Variants in MLF1 observed in about 807,000 individuals in gnomAD.
MLF1 encodes myelodysplasia-myeloid leukemia factor 1.
In MLF1, 37 loss-of-function variants were observed where a neutral mutation model predicts 38.3. That is an observed-to-expected ratio of 0.96 (90% confidence interval 0.74 to 1.27). The LOEUF is 1.27. Among genes scored for constraint, MLF1 ranks in the 50% most tolerant of loss-of-function variants. The probability of loss-of-function intolerance (pLI) is 0.00; values close to 1 mark genes in which losing one functional copy is unlikely to be tolerated. For synonymous variants in MLF1, 95 were observed against 106.5 expected (o/e 0.89, Z 0.66); for missense variants, 331 against 349.2 (o/e 0.95, Z 0.42).
At chr3:158,587,349 A>G (rs1194242923) in intron 1 of MLF1, among the ~76,000 whole-genome samples, 3 of 152,190 alleles carry the variant, frequency 2.0e-5, no homozygotes, top group African/African-American at 7.2e-5. Flanking sequence ...TTGCCCATGT[A>G]CTTGGGGTAC....
intron 1 of MLF1, among the ~76,000 whole-genome samples, chr3:158,572,470 G>A (rs1714639382): frequency 7.2e-6 from 1 of 139,498 alleles, no homozygotes; most frequent in South Asian, 2.4e-4. Context: ...GAGGTGGATG[G>A]AGGAGGATTT....
chr3:158,585,690 G>A (rs1717145021), intron 1 of MLF1, among the ~76,000 whole-genome samples: 1 of 152,070 alleles, frequency 6.6e-6, no homozygotes, highest in Admixed American at 6.6e-5. Context: ...TTGAGTCAAG[G>A]AATTTCTTCC....
chr3:158,605,254 G>A lies in MLF1; in HGVS notation c.*52G>A. The A allele has an allele frequency of 7.1e-7, 1 of 1,408,256 alleles. No individual in the cohort carries two copies. Among genetic ancestry groups the A allele is most frequent in the Non-Finnish European group, 9.9e-7 (1 of 1,009,896 alleles). 87.2% of individuals were successfully genotyped at this position (1,408,256 alleles called of 1,614,324 possible). ...TTTGATTGTTTTAACAGTTAGTAAT[G>A]GTGCTGGGTAATAAGCATAAGACCA... On this transcript the variant is annotated 3_prime_UTR_variant, in exon 8 of 8. Coordinates refer to ENST00000466246, the MANE Select transcript of MLF1 (RefSeq NM_001369783.1).
chr3:158,596,604 C>G (rs1718916054), intron 3 of MLF1, among the ~76,000 whole-genome samples: 1 of 152,078 alleles, frequency 6.6e-6, no homozygotes, highest in Non-Finnish European at 1.5e-5. Flanking sequence ...TTTATATATA[C>G]ATGCACATAT....
At chr3:158,571,822 A>G (rs1189110463) in intron 1 of MLF1, among the ~76,000 whole-genome samples, 1 of 14,752 alleles carries the variant, frequency 6.8e-5, no homozygotes. Flanking sequence ...AGGTGAGGGG[A>G]AGGGTTGAGG....
intron 1 of MLF1, among the ~76,000 whole-genome samples, chr3:158,587,190 T>C (rs1403477182): frequency 6.6e-6 from 1 of 152,220 alleles, no homozygotes; most frequent in African/African-American, 2.4e-5. Flanking sequence ...TTTTAATAAG[T>C]ACCTCTAGTG....
intron 3 of MLF1, among the ~76,000 whole-genome samples, chr3:158,594,332 C>CA (rs1718587938): frequency 6.6e-6 from 1 of 152,024 alleles, no homozygotes; most frequent in South Asian, 2.1e-4. Context: ...GAATACTGTT[C>CA]AACAGAGAGG....
At position 158,592,448 on chromosome 3, in the gene MLF1, C is replaced by T. The variant is rs1336794375; in HGVS notation, c.62C>T (p.Ala21Val). Residue 21 changes from alanine to valine, a missense_variant, in exon 2 of 8, where the codon GCA (alanine) becomes GTA (valine). Transcript: ENST00000466246. ...ATTTTCAACAGTGAGTCCATTCTTG[C>T]ACACCGAGAAAATATGCGACAGATG... ...DDPFFSESILAHRENMRQMIR... is the reference protein window; with the variant it reads ...DDPFFSESILVHRENMRQMIR... 6.2e-7 allele frequency: 1 copy of T among 1,606,948 alleles called. No homozygotes were observed. The highest frequency in any genetic ancestry group is 2.2e-5 in the East Asian group (1 of 44,724).
At chr3:158,585,400 G>A (rs986263876) in intron 1 of MLF1, among the ~76,000 whole-genome samples, 3 of 152,168 alleles carry the variant, frequency 2.0e-5, no homozygotes, top group Non-Finnish European at 4.4e-5. Context: ...GTTCTCATCA[G>A]AAGATGATGC....
intron 7 of MLF1, 104 bp from the exon 8 acceptor site, chr3:158,604,993 T>C (rs1297470651): frequency 2.3e-6 from 2 of 883,916 alleles, no homozygotes; most frequent in Non-Finnish European, 3.4e-6. Flanking sequence ...ATTTTTAAGA[T>C]AAAACTTTTC....
intron 1 of MLF1, chr3:158,590,652 G>A: frequency 2.6e-6 from 1 of 386,038 alleles, no homozygotes; most frequent in South Asian, 2.0e-5. Flanking sequence ...GACATACTAT[G>A]TGATTCCATT....
At chr3:158,577,891 A>G (rs956000112) in intron 1 of MLF1, among the ~76,000 whole-genome samples, 48 of 152,266 alleles carry the variant, frequency 3.2e-4, no homozygotes, top group African/African-American at 1.0e-3. Flanking sequence ...CATTTCCACA[A>G]TTTTTTTGAT....
intron 1 of MLF1, among the ~76,000 whole-genome samples, chr3:158,588,614 A>C (rs1279545530): frequency 1.9e-4 from 18 of 92,510 alleles, no homozygotes; most frequent in African/African-American, 6.1e-4. Context: ...AAAAAAAAAA[A>C]AAAAAAAAAA....
intron 1 of MLF1, among the ~76,000 whole-genome samples, chr3:158,580,681 C>T (rs947188945): frequency 1.3e-5 from 2 of 151,482 alleles, no homozygotes; most frequent in Admixed American, 6.6e-5. Context: ...TGTGGCTGGG[C>T]ATGGTTGCTC....
rs75039165 is a variant in MLF1 at position 158,596,766 on chromosome 3, G to T, written c.241-96G>T. 2.3e-3 allele frequency: 1,589 copies of T among 679,806 alleles called. 29 individuals are homozygous for T. The African/African-American group carries it at 0.027, about 11-fold the overall frequency. The allele number at this position is 679,806 out of a possible 1,614,324, so 42.1% of individuals were successfully genotyped here. On this transcript the variant is annotated intron_variant, in intron 3 of 7. Transcript: ENST00000466246. ...ATTACTGCATGAGATTTCACTAAAT[G>T]AATTGGAAAAAAATGTTTTAGCTGT...
intron 1 of MLF1, among the ~76,000 whole-genome samples, chr3:158,584,429 C>T (rs965162496): frequency 1.3e-5 from 2 of 152,080 alleles, no homozygotes; most frequent in Admixed American, 6.5e-5. Context: ...TATCAAAATC[C>T]AGACCCTATA....
intron 1 of MLF1, chr3:158,582,965 G>T: frequency 1.5e-6 from 1 of 646,816 alleles, no homozygotes; most frequent in South Asian, 1.8e-5. Flanking sequence ...TATTCTTAAT[G>T]GATCTGATAG....
intron 1 of MLF1, among the ~76,000 whole-genome samples, chr3:158,574,100 ATGT>A (rs1576636365): frequency 6.6e-6 from 1 of 152,152 alleles, no homozygotes. Context: ...CACCTAGCCA[ATGT>A]TGTTGTTTAA....
chr3:158,572,165 G>A (rs898054362), intron 1 of MLF1, among the ~76,000 whole-genome samples: 1 of 124,700 alleles, frequency 8.0e-6, no homozygotes, highest in African/African-American at 3.1e-5. Context: ...AGGACGTGAG[G>A]TGGGAGGAGG....
Sources: gnomAD v4.1 joint callset for allele counts (sites outside exome capture counted in the v4.1 genomes callset) on GRCh38, gnomAD v4.1.1 for gene constraint, MANE v1.5 for transcripts, NCBI Gene and HGNC (gene_info 2026-07-23, HGNC 2026-07-21) for gene names.